The following FLRT2 variants were observed in gnomAD, a reference collection of about 807,000 sequenced individuals.
FLRT2 encodes the protein leucine-rich repeat transmembrane protein FLRT2.
In FLRT2, 15 loss-of-function variants were observed where a neutral mutation model predicts 40.0. The ratio of observed to expected loss-of-function variants is 0.38; its 90% CI spans 0.25 to 0.58. The LOEUF (loss-of-function observed/expected upper bound fraction) is 0.58. Among genes scored for constraint, FLRT2 ranks in the 20% least tolerant of loss-of-function variants. FLRT2 has a pLI of 0.71. For synonymous variants in FLRT2, 380 were observed against 336.8 expected, an observed-to-expected ratio of 1.13 and a Z score of -1.41; for missense variants, 726 against 840.0, an observed-to-expected ratio of 0.86 and a Z score of 1.68.
At chr14:85,575,772 C>A (rs528420295) in intron 1 of FLRT2, among the ~76,000 whole-genome samples, 1 of 152,304 alleles carries the variant, frequency 6.6e-6, no homozygotes, top group South Asian at 2.1e-4. Flanking sequence ...CTTTGTTGCC[C>A]TTCACCCAGC....
At chr14:85,583,015 A>G (rs1240293437) in intron 1 of FLRT2, among the ~76,000 whole-genome samples, 2 of 152,110 alleles carry the variant, frequency 1.3e-5, no homozygotes, top group South Asian at 2.1e-4. Flanking sequence ...CTTATCTAAA[A>G]TAGAAAGCCA....
intron 1 of FLRT2, among the ~76,000 whole-genome samples, chr14:85,604,978 G>A (rs1292833160): frequency 6.6e-6 from 1 of 152,190 alleles, no homozygotes; most frequent in Non-Finnish European, 1.5e-5. Context: ...AGGTCACAGA[G>A]AAGATGCCAG....
At chr14:85,604,265 G>A (rs533715750) in intron 1 of FLRT2, among the ~76,000 whole-genome samples, 3 of 152,112 alleles carry the variant, frequency 2.0e-5, no homozygotes, top group African/African-American at 4.8e-5. Context: ...CTGCCTTAGC[G>A]GAACATTCAG....
At chr14:85,546,046 G>A (rs1272012578) in intron 1 of FLRT2, among the ~76,000 whole-genome samples, 1 of 152,154 alleles carries the variant, frequency 6.6e-6, no homozygotes, top group East Asian at 1.9e-4. Context: ...AATGATGAGA[G>A]ATGGGCTCGG....
Position 85,623,224 on chromosome 14 carries a change from G to T in FLRT2, c.1710G>T (p.Gly570=). 3 of 1,529,500 alleles carry T rather than the reference G, an allele frequency of 2.0e-6. No homozygotes were observed. Among genetic ancestry groups the T allele is most frequent in the South Asian group, 1.3e-5 (1 of 76,438 alleles). The allele number at this position is 1,529,500 out of a possible 1,614,324, so 94.7% of individuals were successfully genotyped here. The change falls in exon 2 of 2, where the codon GGG becomes GGT. Residue 570 remains glycine, a synonymous_variant. Coordinates refer to ENST00000330753, the MANE Select transcript of FLRT2 (RefSeq NM_013231.6). ...TTTGCTGGCATATGCACAAAAAGGG[G>T]CGCTACACCTCCCAGAAGTGGAAAT... ...SVFCWHMHKK[G]RYTSQKWKYN...
intron 1 of FLRT2, among the ~76,000 whole-genome samples, chr14:85,588,251 G>A (rs74070130): frequency 0.021 from 3,202 of 151,984 alleles, 90 homozygotes; most frequent in African/African-American, 0.072. Flanking sequence ...AAGACAGACG[G>A]GCCTTAATAT....
chr14:85,588,719 TA>T (rs759355581), intron 1 of FLRT2, among the ~76,000 whole-genome samples: 8 of 152,298 alleles, frequency 5.3e-5, no homozygotes, highest in East Asian at 3.9e-4. Flanking sequence ...TTGTTCCTTT[TA>T]TTTTTTTTCT....
At chr14:85,541,920 G>A (rs975197794) in intron 1 of FLRT2, among the ~76,000 whole-genome samples, 5 of 152,152 alleles carry the variant, frequency 3.3e-5, no homozygotes, top group African/African-American at 1.2e-4. Flanking sequence ...GTGAGCCATG[G>A]TTATGTCCTT....
At chr14:85,571,565 C>G (rs979307804) in intron 1 of FLRT2, among the ~76,000 whole-genome samples, 29 of 152,224 alleles carry the variant, frequency 1.9e-4, no homozygotes, top group African/African-American at 7.0e-4. Context: ...TAAATGTAAT[C>G]ATTGTTAGTC....
chr14:85,587,264 A>G (rs192429220), intron 1 of FLRT2, among the ~76,000 whole-genome samples: 248 of 147,406 alleles, frequency 1.7e-3, no homozygotes, highest in Non-Finnish European at 2.1e-3. Context: ...TTTGTCATCC[A>G]GTTTGTAGCT....
In FLRT2 at chr14:85,642,369, CCTT is replaced by C. The variant is rs1167930251; in HGVS notation, c.*18874_*18876del. On this transcript the variant is annotated 3_prime_UTR_variant, in exon 2 of 2. Coordinates refer to ENST00000330753, the MANE Select transcript of FLRT2 (RefSeq NM_013231.6). Reference sequence around the variant, plus strand: ...ATGAGCCTTCTTTGCCAGTAGAACTCCTTCATCTCTGTTATATAAGGTTGATTC... The same window carrying C: ...ATGAGCCTTCTTTGCCAGTAGAACTCCATCTCTGTTATATAAGGTTGATTC... 2 of 152,056 alleles carry C rather than the reference CCTT, an allele frequency of 1.3e-5. No individual in the cohort carries two copies. Among genetic ancestry groups the C allele is most frequent in the Non-Finnish European group, 2.9e-5 (2 of 68,034 alleles). 9.4% of individuals were successfully genotyped at this position (152,056 alleles called of 1,614,324 possible).
At chr14:85,602,659 C>T (rs1892429405) in intron 1 of FLRT2, among the ~76,000 whole-genome samples, 1 of 151,946 alleles carries the variant, frequency 6.6e-6, no homozygotes, top group Admixed American at 6.6e-5. Context: ...GCTTTAGGAA[C>T]TGCACCTTCA....
rs34224453 is a variant in FLRT2, at chr14:85,642,132, C to CAAAAAAAAAA, written c.*18641_*18650dup. On this transcript the variant is annotated 3_prime_UTR_variant, in exon 2 of 2. Transcript: ENST00000330753. The stretch of plus-strand genomic sequence containing the variant: ...CTTACAGTTTCAAGGTTGCTGTTGA[C>CAAAAAAAAAA]AAAAAAAAAAAAAAAGAAAGAAAGA... 4 of 128,754 alleles carry CAAAAAAAAAA rather than the reference C, an allele frequency of 3.1e-5. No homozygotes were observed. Among genetic ancestry groups the CAAAAAAAAAA allele is most frequent in the Non-Finnish European group, 6.4e-5 (4 of 62,262 alleles). The allele number at this position is 128,754 out of a possible 1,614,324, so 8.0% of individuals were successfully genotyped here. A position where few individuals can be genotyped will look rare whatever the true frequency, so the allele number is the denominator to read the frequency against.
At position 85,585,614 on chromosome 14, in the gene FLRT2, G is replaced by A. The variant is rs569882055; in HGVS notation, c.-376-35525G>A. 1.1e-4 allele frequency among the ~76,000 whole-genome samples: 17 copies of A among 152,282 alleles called. No homozygotes were observed. In the South Asian group the frequency reaches 3.3e-3, roughly 30 times the overall value. On this transcript the variant is annotated intron_variant, in intron 1 of 1. Coordinates refer to ENST00000330753, the MANE Select transcript of FLRT2 (RefSeq NM_013231.6). ...GTGTGTATTATATGCATGTGCGTGT[G>A]TATAGAGGGCATTCTATTTGTATTG...
chr14:85,536,279 C>T (rs1024139116), intron 1 of FLRT2, among the ~76,000 whole-genome samples: 1 of 151,960 alleles, frequency 6.6e-6, no homozygotes, highest in Non-Finnish European at 1.5e-5. Context: ...ATGTACAAGT[C>T]CAGAAGCTTT....
rs1894389798 is a variant in FLRT2, at chr14:85,649,766, G to A, written c.*26269G>A. The A allele has an allele frequency of 6.6e-6, 1 of 151,860 alleles. No individual in the cohort carries two copies. The highest frequency in any genetic ancestry group is 1.9e-4 in the East Asian group (1 of 5,182). 9.4% of individuals were successfully genotyped at this position (151,860 alleles called of 1,614,324 possible). A position where few individuals can be genotyped will look rare whatever the true frequency, so the allele number is the denominator to read the frequency against. ...GAGTTCTTCTTTTTTCTTTACCTGA[G>A]TTGTATCAACAGTTTCAAAGGAGAG... On this transcript the variant is annotated 3_prime_UTR_variant, in exon 2 of 2. Coordinates refer to ENST00000330753, the MANE Select transcript of FLRT2 (RefSeq NM_013231.6).
intron 1 of FLRT2, among the ~76,000 whole-genome samples, chr14:85,582,722 T>C (rs189939204): frequency 4.0e-4 from 61 of 152,214 alleles, no homozygotes; most frequent in Admixed American, 3.9e-3. Flanking sequence ...TAATAATTAG[T>C]CTATCTTATG....
intron 1 of FLRT2, among the ~76,000 whole-genome samples, chr14:85,595,446 GAAA>G (rs140209277): frequency 3.0e-5 from 4 of 132,348 alleles, no homozygotes; most frequent in African/African-American, 5.6e-5. Context: ...AGTAAGATGT[GAAA>G]AAAAAAAAAA....
At chr14:85,533,064 CT>C in intron 1 of FLRT2, among the ~76,000 whole-genome samples, 1 of 152,282 alleles carries the variant, frequency 6.6e-6, no homozygotes, top group African/African-American at 2.4e-5. Context: ...CCAAGTCTGA[CT>C]TTGCCTCTTG....
Sources: gnomAD v4.1 joint callset for allele counts (sites outside exome capture counted in the v4.1 genomes callset) on GRCh38, gnomAD v4.1.1 for gene constraint, MANE v1.5 for transcripts, NCBI Gene and HGNC (gene_info 2026-07-23, HGNC 2026-07-21) for gene names.